IMPG1: variants seen among roughly 807,000 people sequenced by gnomAD.
IMPG1 encodes interphotoreceptor matrix proteoglycan 1.
Under a neutral mutation model 92.0 loss-of-function variants are expected in IMPG1, and 85 were observed. The observed-to-expected ratio is 0.92, with a 90% CI of 0.78 to 1.11. The LOEUF (loss-of-function observed/expected upper bound fraction) is 1.11. Among genes scored for constraint, IMPG1 ranks in the 50% least tolerant of loss-of-function variants. IMPG1 has a pLI of 0.00. For synonymous variants in IMPG1, 367 were observed against 334.1 expected (o/e 1.10, Z -1.08); for missense variants, 1,022 against 956.0 (o/e 1.07, Z -0.91).
In IMPG1 at chr6:75,922,142, A is replaced by T; in HGVS notation, c.2341T>A (p.Leu781Ile). 7.1e-7 allele frequency: 1 copy of T among 1,414,426 alleles called. No individual in the cohort carries two copies. Among genetic ancestry groups the T allele is most frequent in the Non-Finnish European group, 9.9e-7 (1 of 1,009,928 alleles). 87.6% of individuals were successfully genotyped at this position (1,414,426 alleles called of 1,614,324 possible). The change falls in exon 17 of 17, where the codon TTA becomes ATA. Residue 781 changes from leucine (L) to isoleucine (I), a missense_variant. Physicochemically the swap from Leu to Ile is conservative, Grantham distance 5. This residue lies in a region of IMPG1 where 332 missense variants were observed against 346.2 expected (regional missense o/e 0.96). Transcript: ENST00000369950. Reference protein sequence around the residue: ...NKVISKRNSELLTVEYEEFNH... With the variant: ...NKVISKRNSEILTVEYEEFNH... ...AATTCTTCATATTCTACGGTCAGTA[A>T]TTCAGAATTTCTTTTACTGATTACC...
chr6:75,926,831 A>G (rs2149448728), intron 15 of IMPG1, among the ~76,000 whole-genome samples: 1 of 152,328 alleles, frequency 6.6e-6, no homozygotes, highest in African/African-American at 2.4e-5. Context: ...AGTTACAAAT[A>G]TTGGATGGAG....
intron 12 of IMPG1, among the ~76,000 whole-genome samples, chr6:75,991,438 T>G (rs2149473242): frequency 6.6e-6 from 1 of 151,360 alleles, no homozygotes; most frequent in South Asian, 2.1e-4. Flanking sequence ...ACTTGACTTC[T>G]CACCCTAACT....
chr6:76,018,236 T>C (rs1424089159), intron 7 of IMPG1, among the ~76,000 whole-genome samples: 1 of 152,126 alleles, frequency 6.6e-6, no homozygotes, highest in Non-Finnish European at 1.5e-5. Context: ...CAGCAAAGGA[T>C]TTACAACAAT....
Position 75,921,835 on chromosome 6 carries a change from T to C in IMPG1, c.*254A>G, listed in dbSNP as rs955176317. 7 of 318,696 alleles carry C rather than the reference T, an allele frequency of 2.2e-5. No homozygotes were observed. The East Asian group carries it at 2.2e-4, about 10-fold the overall frequency. 19.7% of individuals were successfully genotyped at this position (318,696 alleles called of 1,614,324 possible). On this transcript the variant is annotated 3_prime_UTR_variant, in exon 17 of 17. Coordinates refer to ENST00000369950, the MANE Select transcript of IMPG1 (RefSeq NM_001563.4). ...TGGCTTATGATCATTTTGACTATCA[T>C]CCAAGAATAGTAAAAATATGTTTCG... is the stretch of plus-strand genomic sequence containing the variant.
intron 14 of IMPG1, among the ~76,000 whole-genome samples, chr6:75,946,206 G>T (rs1781925052): frequency 6.6e-6 from 1 of 152,204 alleles, no homozygotes; most frequent in African/African-American, 2.4e-5. Context: ...AGAAGTAAGT[G>T]CTCCCAGGCT....
At chr6:76,021,426 T>C (rs896852536) in intron 6 of IMPG1, among the ~76,000 whole-genome samples, 10 of 152,140 alleles carry the variant, frequency 6.6e-5, no homozygotes, top group African/African-American at 2.4e-4. Flanking sequence ...TGGTCACTCA[T>C]ATTTGGCTCA....
chr6:76,063,099 G>A (rs1292556026), intron 1 of IMPG1, among the ~76,000 whole-genome samples: 1 of 152,072 alleles, frequency 6.6e-6, no homozygotes, highest in African/African-American at 2.4e-5. Context: ...AGCTACTTGG[G>A]AGGCTGAGGC....
chr6:75,925,216 T>G (rs1582044736), intron 15 of IMPG1, among the ~76,000 whole-genome samples: 1 of 152,038 alleles, frequency 6.6e-6, no homozygotes, highest in East Asian at 1.9e-4. Flanking sequence ...AAATATCACA[T>G]TGTACCCCAT....
intron 14 of IMPG1, among the ~76,000 whole-genome samples, chr6:75,931,847 A>C (rs1479882196): frequency 6.6e-6 from 1 of 152,206 alleles, no homozygotes; most frequent in African/African-American, 2.4e-5. Flanking sequence ...TGGATTAGAA[A>C]TCAAGAGAAT....
At chr6:76,064,935 C>G (rs1442391898) in intron 1 of IMPG1, among the ~76,000 whole-genome samples, 5 of 152,112 alleles carry the variant, frequency 3.3e-5, no homozygotes. Context: ...TGCTCACATG[C>G]CTAGTACAAA....
chr6:75,935,583 A>G (rs932535927), intron 14 of IMPG1, among the ~76,000 whole-genome samples: 2 of 152,076 alleles, frequency 1.3e-5, no homozygotes, highest in Non-Finnish European at 1.5e-5. Context: ...CTTTGTGGTC[A>G]TGGTTTTGTT....
rs1448354382 is a variant in IMPG1, at chr6:76,069,227, A to G, written c.67+3195T>C. 2.6e-5 allele frequency among the ~76,000 whole-genome samples: 4 copies of G among 152,146 alleles called. No individual in the cohort carries two copies. The East Asian group carries it at 7.7e-4, about 29-fold the overall frequency. On this transcript the variant is annotated intron_variant, in intron 1 of 16. Transcript: ENST00000369950. ...CACTGTATATAAAAATTAGCCCAAT[A>G]GAGATAAAAGACTTAAACATGAGAC... is the stretch of plus-strand genomic sequence containing the variant.
chr6:76,045,310 T>C (rs1185092510), intron 1 of IMPG1, among the ~76,000 whole-genome samples: 3 of 152,186 alleles, frequency 2.0e-5, no homozygotes, highest in African/African-American at 7.2e-5. Flanking sequence ...GAAAATTACT[T>C]TCTGATAACT....
intron 2 of IMPG1, among the ~76,000 whole-genome samples, chr6:76,041,590 T>A (rs1783842536): frequency 6.6e-6 from 1 of 152,216 alleles, no homozygotes; most frequent in Non-Finnish European, 1.5e-5. Flanking sequence ...AATGGAATAT[T>A]GAGCATTGGC....
chr6:75,931,949 A>C (rs1026159875), intron 14 of IMPG1, among the ~76,000 whole-genome samples: 2 of 152,232 alleles, frequency 1.3e-5, no homozygotes, highest in African/African-American at 4.8e-5. Flanking sequence ...GTAGAGAAGC[A>C]ACTGACCGGA....
intron 14 of IMPG1, among the ~76,000 whole-genome samples, chr6:75,937,376 G>T (rs992802698): frequency 5.9e-5 from 9 of 151,936 alleles, no homozygotes; most frequent in Non-Finnish European, 1.2e-4. Context: ...GAAGTGTGTT[G>T]TCACTTTTTC....
intron 1 of IMPG1, among the ~76,000 whole-genome samples, chr6:76,061,498 C>A (rs1276520289): frequency 1.3e-5 from 2 of 152,130 alleles, no homozygotes; most frequent in Admixed American, 1.3e-4. Context: ...TGAGAGCATA[C>A]ACCAATAGTA....
rs1784022380 is a variant in IMPG1, at chr6:76,050,471, C to G, written c.68-8345G>C. Among the ~76,000 whole-genome samples, 3 of 152,162 alleles carry G rather than the reference C, an allele frequency of 2.0e-5. No individual in the cohort carries two copies. The South Asian group carries it at 6.2e-4, about 32-fold the overall frequency. On this transcript the variant is annotated intron_variant, in intron 1 of 16. Transcript: ENST00000369950. ...AAAAATTAGGTTTGGATCACCTAAG[C>G]ATGTTTATTAGCTACTGTGAAAGCC...
chr6:76,039,043 T>C (rs1333412390), intron 2 of IMPG1, among the ~76,000 whole-genome samples: 2 of 152,216 alleles, frequency 1.3e-5, no homozygotes, highest in East Asian at 3.8e-4. Flanking sequence ...CTGCCAGCTG[T>C]TCCCCTGAAC....
Sources: allele counts gnomAD v4.1 joint callset (sites outside exome capture counted in the v4.1 genomes callset), GRCh38; gene constraint gnomAD v4.1.1; regional missense constraint gnomAD v4.1.1; transcripts MANE v1.5; gene names NCBI Gene and HGNC (gene_info 2026-07-23, HGNC 2026-07-21).